The following SLC13A1 variants were observed in gnomAD, a reference collection of about 807,000 sequenced individuals.
SLC13A1 encodes the protein Na(+)/sulfate cotransporter.
In SLC13A1, 65 loss-of-function variants were observed where a neutral mutation model predicts 70.0. That is an observed-to-expected ratio of 0.93 (90% confidence interval 0.76 to 1.14). The LOEUF is 1.14. SLC13A1 is among the 50% of genes most tolerant of loss of function. The pLI is 0.00. For synonymous variants in SLC13A1, 275 were observed against 250.5 expected (o/e 1.10, Z -0.92); for missense variants, 726 against 717.8 (o/e 1.01, Z -0.13).
intron 2 of SLC13A1, 140 bp from the exon 3 acceptor site, chr7:123,172,044 G>C: frequency 1.3e-6 from 1 of 748,282 alleles, no homozygotes; most frequent in East Asian, 2.8e-5. Flanking sequence ...ATGTAGATGT[G>C]TTTGAATACA....
chr7:123,129,938 A>G (rs543924870), intron 8 of SLC13A1, among the ~76,000 whole-genome samples: 7 of 152,310 alleles, frequency 4.6e-5, no homozygotes, highest in Admixed American at 3.3e-4. Context: ...GGGCAAGGAC[A>G]GTGAGGTGGT....
At chr7:123,199,133 G>A (rs1796273227) in intron 1 of SLC13A1, among the ~76,000 whole-genome samples, 1 of 152,066 alleles carries the variant, frequency 6.6e-6, no homozygotes, top group African/African-American at 2.4e-5. Flanking sequence ...GCACAGAGAA[G>A]GTGCTCATTA....
At chr7:123,164,232 C>T (rs1032188441) in intron 6 of SLC13A1, among the ~76,000 whole-genome samples, 2 of 151,834 alleles carry the variant, frequency 1.3e-5, no homozygotes, top group Non-Finnish European at 2.9e-5. Flanking sequence ...ACTAATATTA[C>T]TGTCTGCTAA....
At chr7:123,175,236 G>C (rs1298961114) in intron 2 of SLC13A1, among the ~76,000 whole-genome samples, 1 of 152,126 alleles carries the variant, frequency 6.6e-6, no homozygotes, top group Non-Finnish European at 1.5e-5. Flanking sequence ...ATGCTTGAAT[G>C]ATACCTCTCC....
At chr7:123,125,735 C>T in intron 10 of SLC13A1, 60 bp from the exon 11 acceptor site, 4 of 1,233,188 alleles carry the variant, frequency 3.2e-6, no homozygotes, top group East Asian at 2.3e-5. Flanking sequence ...TGAGCTAAAA[C>T]ACCAATTTTG....
intron 1 of SLC13A1, among the ~76,000 whole-genome samples, chr7:123,189,910 A>AAC (rs1795941340): frequency 6.6e-6 from 1 of 152,180 alleles, no homozygotes; most frequent in East Asian, 1.9e-4. Context: ...TTACAAATGC[A>AAC]TTTGAGAGCT....
chr7:123,141,729 G>A (rs1309439981), intron 7 of SLC13A1, among the ~76,000 whole-genome samples: 2 of 151,986 alleles, frequency 1.3e-5, no homozygotes, highest in Non-Finnish European at 2.9e-5. Context: ...TATTTTGCCT[G>A]ATATGAGTAT....
intron 7 of SLC13A1, among the ~76,000 whole-genome samples, chr7:123,141,841 G>A (rs1794161755): frequency 1.3e-5 from 2 of 151,958 alleles, no homozygotes; most frequent in Admixed American, 1.3e-4. Flanking sequence ...TGTGTTTCTT[G>A]TAGGCAACTG....
chr7:123,178,222 C>A (rs892466535), intron 2 of SLC13A1, among the ~76,000 whole-genome samples: 1 of 151,972 alleles, frequency 6.6e-6, no homozygotes, highest in Non-Finnish European at 1.5e-5. Context: ...TGATATTCTT[C>A]AAATACAGTA....
chr7:123,192,185 T>C (rs2116673303), intron 1 of SLC13A1, among the ~76,000 whole-genome samples: 1 of 152,286 alleles, frequency 6.6e-6, no homozygotes, highest in East Asian at 1.9e-4. Context: ...TCCACCTGCA[T>C]AGGTGAATTC....
intron 6 of SLC13A1, among the ~76,000 whole-genome samples, chr7:123,167,205 A>G (rs1327966664): frequency 2.6e-5 from 4 of 152,214 alleles, no homozygotes; most frequent in African/African-American, 7.2e-5. Flanking sequence ...TATATACCCA[A>G]AGGATTATAA....
intron 10 of SLC13A1, among the ~76,000 whole-genome samples, chr7:123,127,032 A>G (rs958606037): frequency 6.6e-6 from 1 of 152,170 alleles, no homozygotes; most frequent in African/African-American, 2.4e-5. Flanking sequence ...CAAGGCATAA[A>G]TACTGAAATA....
chr7:123,121,180 C>G (rs781418811), intron 12 of SLC13A1, among the ~76,000 whole-genome samples: 2 of 151,966 alleles, frequency 1.3e-5, no homozygotes, highest in Non-Finnish European at 1.5e-5. Flanking sequence ...TTTTCTATCA[C>G]GGAGGACAGA....
chr7:123,151,844 A>C (rs527429235), intron 6 of SLC13A1, among the ~76,000 whole-genome samples: 1 of 152,012 alleles, frequency 6.6e-6, no homozygotes, highest in Non-Finnish European at 1.5e-5. Context: ...AATTGTATCT[A>C]CTGAAATATG....
chr7:123,173,567 T>C (rs904961337), intron 2 of SLC13A1, among the ~76,000 whole-genome samples: 1 of 124,838 alleles, frequency 8.0e-6, no homozygotes, highest in Non-Finnish European at 1.7e-5. Flanking sequence ...CCTTTCTAAA[T>C]AGGTCCTATA....
chr7:123,125,442 G>C, intron 11 of SLC13A1, 127 bp downstream of exon 11: 2 of 652,254 alleles, frequency 3.1e-6, no homozygotes, highest in Non-Finnish European at 5.4e-6. Context: ...TGCAAATAGG[G>C]CATGCTAGGC....
intron 6 of SLC13A1, among the ~76,000 whole-genome samples, chr7:123,159,737 T>C (rs1343225491): frequency 1.3e-5 from 2 of 152,076 alleles, no homozygotes; most frequent in Non-Finnish European, 2.9e-5. Context: ...ATGGAAAGAA[T>C]ATTTGGAAAA....
chr7:123,133,568 C>T (rs1196119850), intron 8 of SLC13A1, among the ~76,000 whole-genome samples: 2 of 152,074 alleles, frequency 1.3e-5, no homozygotes, highest in Non-Finnish European at 1.5e-5. Context: ...ACAAGAGTCT[C>T]GCTCTGTCAT....
At chr7:123,190,601 A>G (rs535691111) in intron 1 of SLC13A1, 3 of 456,584 alleles carry the variant, frequency 6.6e-6, no homozygotes, top group Non-Finnish European at 1.3e-5. Flanking sequence ...CATCTTGGAA[A>G]AGTCAGAATA....
Sources: allele counts gnomAD v4.1 joint callset (sites outside exome capture counted in the v4.1 genomes callset), GRCh38; gene constraint gnomAD v4.1.1; transcripts MANE v1.5; gene names NCBI Gene and HGNC (gene_info 2026-07-23, HGNC 2026-07-21).